The following CAMK2D variants were observed in gnomAD, a reference collection of about 807,000 sequenced individuals.
The protein encoded by CAMK2D is calcium/calmodulin-dependent protein kinase type II subunit delta.
In CAMK2D, 37 loss-of-function variants were observed where a neutral mutation model predicts 84.0. The ratio of observed to expected loss-of-function variants is 0.44; its 90% CI spans 0.34 to 0.58. The LOEUF (loss-of-function observed/expected upper bound fraction) is 0.58. CAMK2D is among the 20% of genes least tolerant of loss of function. CAMK2D has a pLI of 0.02. For synonymous variants in CAMK2D, 202 were observed against 212.5 expected (o/e 0.95, Z 0.43); for missense variants, 448 against 652.5 (o/e 0.69, Z 3.41).
chr4:113,545,633 A>G (rs1393418829), intron 6 of CAMK2D, among the ~76,000 whole-genome samples: 1 of 152,196 alleles, frequency 6.6e-6, no homozygotes, highest in African/African-American at 2.4e-5. Flanking sequence ...CCTCTAATGC[A>G]CGTGTTTTGA....
intron 2 of CAMK2D, among the ~76,000 whole-genome samples, chr4:113,747,210 A>G (rs1203534772): frequency 6.6e-6 from 1 of 151,940 alleles, no homozygotes; most frequent in Non-Finnish European, 1.5e-5. Context: ...GTTTCATTAT[A>G]TAAATCATGG....
intron 4 of CAMK2D, among the ~76,000 whole-genome samples, chr4:113,603,389 TC>T (rs2098962076): frequency 1.0e-5 from 1 of 95,612 alleles, no homozygotes; most frequent in Non-Finnish European, 1.9e-5. Context: ...CCCACAACAG[TC>T]CCCAGAGTGT....
intron 7 of CAMK2D, among the ~76,000 whole-genome samples, chr4:113,531,673 A>G (rs2098459251): frequency 6.6e-6 from 1 of 152,206 alleles, no homozygotes; most frequent in African/African-American, 2.4e-5. Context: ...AGGAGAAGAT[A>G]TAAGTCGAAA....
intron 16 of CAMK2D, among the ~76,000 whole-genome samples, chr4:113,499,778 G>A (rs1366520129): frequency 1.3e-5 from 2 of 152,130 alleles, no homozygotes. Context: ...ACATAAAACT[G>A]CAAATGCAAT....
chr4:113,631,227 T>C (rs534073249), intron 3 of CAMK2D, among the ~76,000 whole-genome samples: 14 of 152,276 alleles, frequency 9.2e-5, no homozygotes, highest in Middle Eastern at 3.4e-3. Context: ...CAGCTGAGAT[T>C]GTAGACTGAA....
In CAMK2D at chr4:113,626,013, CAA is replaced by C. The variant is rs111374173; in HGVS notation, c.221-16809_221-16808del. Among the ~76,000 whole-genome samples, 54 of 120,264 alleles carry C rather than the reference CAA, an allele frequency of 4.5e-4. No homozygotes were observed. The South Asian group carries it at 1.0e-2, about 22-fold the overall frequency. The allele number at this position is 120,264 out of a possible 152,430, so 78.9% of individuals were successfully genotyped here. A position where few individuals can be genotyped will look rare whatever the true frequency, so the allele number is the denominator to read the frequency against. ...TGGGTGACAGAGTGAGATATCATCT[CAA>C]AAAAAAAAAAAAGTCAGGTAAAAGA... On this transcript the variant is annotated intron_variant, in intron 3 of 20. Transcript: ENST00000511664.
intron 16 of CAMK2D, among the ~76,000 whole-genome samples, chr4:113,493,574 C>T (rs1272412004): frequency 1.3e-5 from 2 of 152,024 alleles, no homozygotes; most frequent in African/African-American, 4.8e-5. Context: ...CTGCCCTTAA[C>T]ATTTTTTCCT....
chr4:113,581,023 A>G (rs1396950497), intron 4 of CAMK2D, among the ~76,000 whole-genome samples: 1 of 152,128 alleles, frequency 6.6e-6, no homozygotes, highest in Non-Finnish European at 1.5e-5. Context: ...GTACACGTCC[A>G]CCTATGTAAC....
In CAMK2D at chr4:113,455,735, A is replaced by G. The variant is rs752444156; in HGVS notation, c.*20T>C. On this transcript the variant is annotated 3_prime_UTR_variant, in exon 20 of 21. Coordinates refer to ENST00000511664, the MANE Select transcript of CAMK2D (RefSeq NM_001321571.2). ...GCAGGATGTTACTTACAAGACCCAT[A>G]TGTGAATGGTTTTCAGGCCTTAGAT... 1 of 1,594,378 alleles carries G rather than the reference A, an allele frequency of 6.3e-7. No homozygotes were observed. The highest frequency in any genetic ancestry group is 8.6e-7 in the Non-Finnish European group (1 of 1,162,654).
At chr4:113,627,169 AATG>A (rs1185094554) in intron 3 of CAMK2D, among the ~76,000 whole-genome samples, 1 of 152,170 alleles carries the variant, frequency 6.6e-6, no homozygotes, top group Non-Finnish European at 1.5e-5. Flanking sequence ...ATTTGAAAAT[AATG>A]ATATTATCCT....
chr4:113,620,449 C>G (rs1441835553), intron 3 of CAMK2D, among the ~76,000 whole-genome samples: 2 of 151,658 alleles, frequency 1.3e-5, no homozygotes, highest in Non-Finnish European at 2.9e-5. Flanking sequence ...AGGCATTAAC[C>G]AAACAGTTAT....
intron 4 of CAMK2D, among the ~76,000 whole-genome samples, chr4:113,587,991 C>T (rs2098841772): frequency 6.6e-6 from 1 of 152,028 alleles, no homozygotes; most frequent in South Asian, 2.1e-4. Flanking sequence ...CATGAAAATG[C>T]CCCATTTGGG....
intron 3 of CAMK2D, among the ~76,000 whole-genome samples, chr4:113,637,933 A>G (rs538985727): frequency 6.6e-6 from 1 of 152,322 alleles, no homozygotes; most frequent in African/African-American, 2.4e-5. Context: ...TTTGTGGACC[A>G]AAAGCAAGAA....
intron 4 of CAMK2D, among the ~76,000 whole-genome samples, chr4:113,561,658 C>T (rs1345326135): frequency 1.3e-5 from 2 of 152,038 alleles, no homozygotes; most frequent in Non-Finnish European, 2.9e-5. Flanking sequence ...AAAGATAATG[C>T]CAGATTAATC....
At position 113,659,670 on chromosome 4, in the gene CAMK2D, G is replaced by A. The variant is rs6840177; in HGVS notation, c.220+2043C>T. Reference sequence around the variant, plus strand: ...TCATCTTAGATTTCTGGCTTCCAGAGCTATGAGAAAATAAATTTCTGTTGC... The same window carrying A: ...TCATCTTAGATTTCTGGCTTCCAGAACTATGAGAAAATAAATTTCTGTTGC... On this transcript the variant is annotated intron_variant, in intron 3 of 20. Transcript: ENST00000511664. 4.3e-3 allele frequency among the ~76,000 whole-genome samples: 650 copies of A among 152,336 alleles called. 8 individuals are homozygous for A. Among genetic ancestry groups the A allele is most frequent in the African/African-American group, 0.015 (628 of 41,574 alleles).
At chr4:113,669,457 T>C (rs2099270820) in intron 2 of CAMK2D, among the ~76,000 whole-genome samples, 1 of 152,140 alleles carries the variant, frequency 6.6e-6, no homozygotes, top group African/African-American at 2.4e-5. Flanking sequence ...AGCATAATTG[T>C]GTAGAACAGG....
rs540963084 is a variant in CAMK2D at position 113,670,049 on chromosome 4, G to C, written c.161-8277C>G. On this transcript the variant is annotated intron_variant, in intron 2 of 20. Coordinates refer to ENST00000511664, the MANE Select transcript of CAMK2D (RefSeq NM_001321571.2). The stretch of plus-strand genomic sequence containing the variant: ...TAATCCCAGCAATTTGGGAGACCCA[G>C]GTGGGCAGATCACAAGGTCAGGAGT... Among the ~76,000 whole-genome samples the C allele has an allele frequency of 9.5e-4, 145 of 152,280 alleles. 2 individuals carry two copies. Among genetic ancestry groups the C allele is most frequent in the African/African-American group, 3.1e-3 (128 of 41,562 alleles).
intron 4 of CAMK2D, among the ~76,000 whole-genome samples, chr4:113,577,702 A>T (rs1458378396): frequency 6.7e-6 from 1 of 148,290 alleles, no homozygotes. Flanking sequence ...CAACTGTGAG[A>T]TTTTCTTTGG....
At chr4:113,684,879 A>C (rs767641555) in intron 2 of CAMK2D, among the ~76,000 whole-genome samples, 25 of 152,160 alleles carry the variant, frequency 1.6e-4, no homozygotes, top group Non-Finnish European at 4.4e-5. Context: ...GCAATGACAC[A>C]AGCAACAGCT....
Sources: gnomAD v4.1 joint callset for allele counts (sites outside exome capture counted in the v4.1 genomes callset) on GRCh38, gnomAD v4.1.1 for gene constraint, MANE v1.5 for transcripts, NCBI Gene and HGNC (gene_info 2026-07-23, HGNC 2026-07-21) for gene names.